ABCC5: variants seen among roughly 807,000 people sequenced by gnomAD.
The protein encoded by ABCC5 is ATP-binding cassette sub-family C member 5.
ABCC5 carries 61 observed loss-of-function variants against 160.9 expected under a neutral mutation model. That is an observed-to-expected ratio of 0.38 (90% CI 0.31 to 0.47). ABCC5 has a LOEUF of 0.47. Ranked by LOEUF, ABCC5 falls within the 20% of genes least tolerant of loss-of-function variation. ABCC5 has a pLI of 0.99. For synonymous variants in ABCC5, 666 were observed against 700.6 expected, an observed-to-expected ratio of 0.95 and a Z score of 0.78; for missense variants, 1,308 against 1,813.3, an observed-to-expected ratio of 0.72 and a Z score of 5.06.
intron 2 of ABCC5, among the ~76,000 whole-genome samples, chr3:184,007,625 A>C (rs1721337989): frequency 6.6e-6 from 1 of 152,082 alleles, no homozygotes; most frequent in African/African-American, 2.4e-5. Context: ...CAGGAGTTCA[A>C]GACCAGCCTG....
At chr3:183,952,069 C>T (rs1242993264) in intron 18 of ABCC5, 66 bp from the exon 19 acceptor site, 75 of 1,548,336 alleles carry the variant, frequency 4.8e-5, no homozygotes, top group Non-Finnish European at 6.3e-5. Flanking sequence ...TGCTCAGCGC[C>T]ATTCTCAGCT....
intron 26 of ABCC5, among the ~76,000 whole-genome samples, chr3:183,929,454 T>A (rs1449038805): frequency 6.6e-6 from 1 of 151,876 alleles, no homozygotes; most frequent in Non-Finnish European, 1.5e-5. Context: ...TAAAATAAAA[T>A]AAAAAATAAA....
intron 25 of ABCC5, among the ~76,000 whole-genome samples, chr3:183,940,633 T>C (rs1002342608): frequency 1.3e-5 from 2 of 152,140 alleles, no homozygotes; most frequent in East Asian, 3.9e-4. Flanking sequence ...GGTCAAGTTG[T>C]TCCAGTTTAA....
At chr3:183,934,801 G>C (rs1713528664) in intron 26 of ABCC5, among the ~76,000 whole-genome samples, 1 of 151,986 alleles carries the variant, frequency 6.6e-6, no homozygotes, top group African/African-American at 2.4e-5. Context: ...ATAGGCATAA[G>C]CCACCGCACC....
chr3:183,938,099 CAA>C, intron 25 of ABCC5, 39 bp from the exon 26 acceptor site: 1 of 1,604,810 alleles, frequency 6.2e-7, no homozygotes, highest in Non-Finnish European at 8.5e-7. Flanking sequence ...GAGCTGTTAG[CAA>C]AGTCTGTGAG....
chr3:183,961,028 A>G (rs1044558044), intron 16 of ABCC5, among the ~76,000 whole-genome samples: 1 of 152,120 alleles, frequency 6.6e-6, no homozygotes, highest in Non-Finnish European at 1.5e-5. Flanking sequence ...GGCGCAAGCA[A>G]TCTGTCCACC....
chr3:183,949,235 TAC>T lies in ABCC5; in HGVS notation c.3227+516_3227+517del, dbSNP rs1715121960. On this transcript the variant is annotated intron_variant, in intron 22 of 29. Transcript: ENST00000334444. This position sits in a 1 kb window ranked among gnomAD's most constrained non-coding sequence, Gnocchi z 4.2. ...CATTTTAGTTCCAATCTCTTATTAA[TAC>T]AAAGCTCCACAATGACAATGCACAT... is the stretch of plus-strand genomic sequence containing the variant. Among the ~76,000 whole-genome samples the T allele has an allele frequency of 6.6e-6, 1 of 152,244 alleles. No homozygotes were observed. Among genetic ancestry groups the T allele is most frequent in the African/African-American group, 2.4e-5 (1 of 41,454 alleles).
intron 11 of ABCC5, among the ~76,000 whole-genome samples, chr3:183,970,981 A>G (rs1717686300): frequency 6.6e-6 from 1 of 152,160 alleles, no homozygotes; most frequent in Non-Finnish European, 1.5e-5. Flanking sequence ...CGGACCTGTG[A>G]ATATGGTGCT....
intron 8 of ABCC5, among the ~76,000 whole-genome samples, 185 bp downstream of exon 8, chr3:183,981,542 A>G (rs1004498682): frequency 2.0e-5 from 3 of 152,230 alleles, no homozygotes; most frequent in Non-Finnish European, 4.4e-5. Flanking sequence ...CATCAGTGAG[A>G]TGAGGTTATG....
intron 5 of ABCC5, chr3:183,984,606 C>A (rs1560033203): frequency 7.2e-6 from 10 of 1,386,880 alleles, no homozygotes; most frequent in African/African-American, 1.5e-5. Flanking sequence ...CAGGAAATAA[C>A]CTGATCAAAT....
Position 183,947,305 on chromosome 3 carries a change from T to C in ABCC5, c.3414+19A>G. The C allele has an allele frequency of 6.4e-7, 1 of 1,569,230 alleles. No homozygotes were observed. Among genetic ancestry groups the C allele is most frequent in the South Asian group, 1.2e-5 (1 of 85,742 alleles). ...GGGCTCAAACAAGCAAAGATGACGC[T>C]CCTATCCCAGAGACTGACCTGGACA... On this transcript the variant is annotated intron_variant, in intron 23 of 29. Transcript: ENST00000334444.
intron 10 of ABCC5, among the ~76,000 whole-genome samples, chr3:183,972,259 A>C (rs1169583783): frequency 6.6e-6 from 1 of 152,228 alleles, no homozygotes; most frequent in African/African-American, 2.4e-5. Context: ...AGTAGTAAAA[A>C]GCAGGTAGGA....
At chr3:183,929,835 T>C (rs1713002523) in intron 26 of ABCC5, among the ~76,000 whole-genome samples, 1 of 152,132 alleles carries the variant, frequency 6.6e-6, no homozygotes, top group Non-Finnish European at 1.5e-5. Context: ...TGGTCTCAAA[T>C]TCCAGTGCTC....
intron 29 of ABCC5, among the ~76,000 whole-genome samples, chr3:183,922,705 C>T (rs946184560): frequency 6.6e-6 from 1 of 152,254 alleles, no homozygotes; most frequent in Non-Finnish European, 1.5e-5. Context: ...CAGCCGCCCC[C>T]GCCACAGGGC....
chr3:183,939,154 C>G (rs1283314036), intron 25 of ABCC5, among the ~76,000 whole-genome samples: 1 of 152,208 alleles, frequency 6.6e-6, no homozygotes, highest in African/African-American at 2.4e-5. Flanking sequence ...CTGCATTGGC[C>G]GGGCACGGTG....
At chr3:183,972,083 C>T (rs923367775) in intron 10 of ABCC5, 164 bp from the exon 11 acceptor site, 2 of 1,461,904 alleles carry the variant, frequency 1.4e-6, no homozygotes, top group Non-Finnish European at 1.9e-6. Flanking sequence ...TCAGGCCCAT[C>T]AAGGGGTCAC....
intron 22 of ABCC5, among the ~76,000 whole-genome samples, chr3:183,948,435 C>T (rs966875540): frequency 2.0e-5 from 3 of 151,968 alleles, no homozygotes; most frequent in Non-Finnish European, 4.4e-5. Context: ...TTCTTTTCTG[C>T]TTAAAGTTTA....
intron 17 of ABCC5, among the ~76,000 whole-genome samples, chr3:183,954,170 TAG>T (rs2108801318): frequency 6.6e-6 from 1 of 151,828 alleles, no homozygotes; most frequent in African/African-American, 2.4e-5. Flanking sequence ...TTTTTTGAGA[TAG>T]AGTCTCACTC....
chr3:183,939,914 C>A (rs1714126614), intron 25 of ABCC5, among the ~76,000 whole-genome samples: 1 of 152,156 alleles, frequency 6.6e-6, no homozygotes, highest in Non-Finnish European at 1.5e-5. Context: ...TCGAGATCAC[C>A]ACGATGCTGT....
Sources: gnomAD v4.1 joint callset for allele counts (sites outside exome capture counted in the v4.1 genomes callset) on GRCh38, gnomAD v4.1.1 for gene constraint, Gnocchi (gnomAD v3.1) non-coding constraint, MANE v1.5 for transcripts, NCBI Gene and HGNC (gene_info 2026-07-23, HGNC 2026-07-21) for gene names.